Variants in RGS6 observed in about 807,000 individuals in gnomAD.
RGS6 encodes the protein regulator of G protein signaling 6, also known as regulator of G-protein signaling 6.
In RGS6, 30 loss-of-function variants were observed where a neutral mutation model predicts 78.5. The observed-to-expected ratio is 0.38, with a 90% CI of 0.29 to 0.52. RGS6 has a LOEUF of 0.52. Among genes scored for constraint, RGS6 ranks in the 20% least tolerant of loss-of-function variants. The pLI is 0.85. For missense variants in RGS6, 495 were observed against 609.7 expected, an observed-to-expected ratio of 0.81 and a Z score of 1.98; for synonymous variants, 206 against 206.0, an observed-to-expected ratio of 1.00 and a Z score of 0.00.
At chr14:72,384,967 G>T (rs1316656929) in intron 3 of RGS6, among the ~76,000 whole-genome samples, 1 of 152,094 alleles carries the variant, frequency 6.6e-6, no homozygotes, top group Non-Finnish European at 1.5e-5. Context: ...GGCCAGGCTG[G>T]TCTCGAACTC....
intron 2 of RGS6, among the ~76,000 whole-genome samples, chr14:72,027,423 A>T (rs2090091886): frequency 6.6e-6 from 1 of 152,160 alleles, no homozygotes; most frequent in East Asian, 1.9e-4. Context: ...GATCCTGTAG[A>T]TCTAGAAGAA....
At position 72,092,357 on chromosome 14, in the gene RGS6, A is replaced by G. The variant is rs143602851; in HGVS notation, c.84+127482A>G. 4.9e-4 allele frequency among the ~76,000 whole-genome samples: 74 copies of G among 151,770 alleles called. No individual in the cohort carries two copies. The East Asian group carries it at 8.6e-3, about 18-fold the overall frequency. On this transcript the variant is annotated intron_variant, in intron 2 of 17. Transcript: ENST00000553525. ...TTGAAGGATGTTTTGTCATTTATTT[A>G]CTTACTGATTAATTAAGATGGGAAA...
At chr14:72,363,244 A>G (rs2081831916) in intron 3 of RGS6, among the ~76,000 whole-genome samples, 1 of 152,232 alleles carries the variant, frequency 6.6e-6, no homozygotes, top group Non-Finnish European at 1.5e-5. Context: ...ATTCACATCC[A>G]TGAAGTGGAT....
At chr14:72,166,727 G>T (rs115472539) in intron 2 of RGS6, among the ~76,000 whole-genome samples, 1 of 152,136 alleles carries the variant, frequency 6.6e-6, no homozygotes, top group Admixed American at 6.5e-5. Context: ...GGAACAAAAC[G>T]TACTTTTTTA....
chr14:72,392,467 G>A (rs1175962450), intron 3 of RGS6, among the ~76,000 whole-genome samples: 1 of 152,058 alleles, frequency 6.6e-6, no homozygotes, highest in African/African-American at 2.4e-5. Context: ...GGATATGCCG[G>A]CTCCCATCAT....
intron 2 of RGS6, among the ~76,000 whole-genome samples, chr14:72,302,166 G>A (rs573344673): frequency 2.6e-5 from 4 of 152,314 alleles, no homozygotes; most frequent in Non-Finnish European, 4.4e-5. Context: ...CTATGTTATA[G>A]AGTCGTAGTC....
intron 2 of RGS6, among the ~76,000 whole-genome samples, chr14:72,186,591 A>T (rs553051573): frequency 6.6e-6 from 1 of 152,266 alleles, no homozygotes; most frequent in African/African-American, 2.4e-5. Context: ...AACATTCCAG[A>T]TGACTGACGC....
At chr14:72,450,997 G>C (rs2095478968) in intron 3 of RGS6, among the ~76,000 whole-genome samples, 3 of 152,196 alleles carry the variant, frequency 2.0e-5, no homozygotes, top group Admixed American at 2.0e-4. Context: ...CTGGAGGCTT[G>C]GCCACTCCTG....
chr14:72,122,406 G>A (rs1042089410), intron 2 of RGS6, among the ~76,000 whole-genome samples: 6 of 152,148 alleles, frequency 3.9e-5, no homozygotes, highest in African/African-American at 1.4e-4. Context: ...AGGGGTTTGT[G>A]GGGGTAGAAA....
chr14:72,567,466 G>A (rs1417523911), downstream of RGS6, among the ~76,000 whole-genome samples: 1 of 152,160 alleles, frequency 6.6e-6, no homozygotes, highest in African/African-American at 2.4e-5. Context: ...TACCCTGACC[G>A]CCACGAGCAG....
At chr14:71,937,035 C>T (rs1026356609) in intron 1 of RGS6, among the ~76,000 whole-genome samples, 1 of 152,176 alleles carries the variant, frequency 6.6e-6, no homozygotes, top group East Asian at 1.9e-4. Context: ...ACCTTAATCA[C>T]AGGGCATGGT....
At chr14:72,588,137 C>T in the RGS6 span, among the ~76,000 whole-genome samples, 1 of 152,088 alleles carries the variant, frequency 6.6e-6, no homozygotes, top group Non-Finnish European at 1.5e-5. Flanking sequence ...CCTAGGGACC[C>T]CCATAATATT....
intron 2 of RGS6, among the ~76,000 whole-genome samples, chr14:72,198,710 G>A (rs1375933323): frequency 6.6e-6 from 1 of 152,202 alleles, no homozygotes; most frequent in Non-Finnish European, 1.5e-5. Context: ...GACTTCCTTC[G>A]AGTCATATAG....
At chr14:72,573,278 G>A in the RGS6 span, among the ~76,000 whole-genome samples, 166 of 152,300 alleles carry the variant, frequency 1.1e-3, no homozygotes, top group African/African-American at 3.7e-3. Flanking sequence ...TTCCTAAAGC[G>A]TTAAGCCCCA....
intron 3 of RGS6, among the ~76,000 whole-genome samples, chr14:72,356,332 C>T (rs1072165): frequency 0.38 from 58,251 of 151,926 alleles, 13,475 homozygotes; most frequent in African/African-American, 0.66. Context: ...TCTCTCCTGC[C>T]GCTATGTAAG....
intron 3 of RGS6, among the ~76,000 whole-genome samples, chr14:72,418,883 G>A (rs2094000545): frequency 6.6e-6 from 1 of 152,222 alleles, no homozygotes; most frequent in African/African-American, 2.4e-5. Flanking sequence ...GGGTCCAGGA[G>A]GACACACACC....
intron 2 of RGS6, among the ~76,000 whole-genome samples, chr14:72,090,061 CGAG>C (rs2095210302): frequency 6.8e-6 from 1 of 146,862 alleles, no homozygotes; most frequent in Non-Finnish European, 1.5e-5. Context: ...TCAGCAGAGC[CGAG>C]ATCATGCCAC....
rs560009656 is a variant in RGS6, at chr14:71,969,699, A to AAAG, written c.84+4827_84+4829dup. Among the ~76,000 whole-genome samples the AAAG allele has an allele frequency of 3.9e-4, 60 of 152,340 alleles. 1 individual carries two copies. Among genetic ancestry groups the AAAG allele is most frequent in the African/African-American group, 1.4e-3 (57 of 41,592 alleles). On this transcript the variant is annotated intron_variant, in intron 2 of 17. Coordinates refer to ENST00000553525, the MANE Select transcript of RGS6 (RefSeq NM_001204424.2). ...TATATTCAGTGTCCATGTAAAGTAG[A>AAAG]AAGAATTAAAAAATGAATTATATGC...
At chr14:72,077,343 T>A (rs1567158483) in intron 2 of RGS6, among the ~76,000 whole-genome samples, 1 of 152,172 alleles carries the variant, frequency 6.6e-6, no homozygotes, top group Non-Finnish European at 1.5e-5. Context: ...TTTGCCTATT[T>A]TACAGTAATA....
Sources: gnomAD v4.1 joint callset for allele counts (sites outside exome capture counted in the v4.1 genomes callset) on GRCh38, gnomAD v4.1.1 for gene constraint, MANE v1.5 for transcripts, NCBI Gene and HGNC (gene_info 2026-07-23, HGNC 2026-07-21) for gene names.